Variants in DHRSX observed in about 807,000 individuals in gnomAD.
The protein encoded by DHRSX is polyprenol dehydrogenase.
A neutral mutation model predicts 34.0 loss-of-function variants in DHRSX; 31 were observed. The observed-to-expected ratio is 0.91, with a 90% CI of 0.69 to 1.23. The LOEUF (loss-of-function observed/expected upper bound fraction) is 1.23. DHRSX is among the 50% of genes most tolerant of loss of function. DHRSX has a pLI of 0.00. For synonymous variants in DHRSX, 201 were observed against 183.8 expected, an observed-to-expected ratio of 1.09 and a Z score of -0.76; for missense variants, 414 against 428.1, an observed-to-expected ratio of 0.97 and a Z score of 0.29.
chrX:2,427,961 C>A (rs1039646271), intron 1 of DHRSX, among the ~76,000 whole-genome samples: 2 of 151,994 alleles, frequency 1.3e-5, no homozygotes, highest in South Asian at 4.1e-4. Context: ...TGCAGCAACA[C>A]GAAGGGAACT....
chrX:2,264,801 C>A (rs191163835), intron 5 of DHRSX, among the ~76,000 whole-genome samples: 1,898 of 117,462 alleles, frequency 0.016, 44 homozygotes, highest in African/African-American at 0.072. Flanking sequence ...GAGCACCGTG[C>A]CCAGAGCACA....
intron 3 of DHRSX, among the ~76,000 whole-genome samples, chrX:2,399,379 A>G (rs969725776): frequency 6.6e-6 from 1 of 150,822 alleles, no homozygotes; most frequent in African/African-American, 2.5e-5. Context: ...TGAAAAGGAA[A>G]ACAGTCAATA....
At chrX:2,487,947 G>A (rs1228890455) in intron 1 of DHRSX, 3 of 151,906 alleles carry the variant, frequency 2.0e-5, no homozygotes, top group Admixed American at 6.6e-5. Flanking sequence ...CATGATGATC[G>A]GGAAAGGCTC....
At chrX:2,494,733 G>A (rs758041396) in intron 1 of DHRSX, among the ~76,000 whole-genome samples, 5 of 151,828 alleles carry the variant, frequency 3.3e-5, no homozygotes, top group South Asian at 2.1e-4. Context: ...CTGAAAAAAG[G>A]TTCTGGTACC....
chrX:2,432,508 A>G (rs2043939958), intron 1 of DHRSX, among the ~76,000 whole-genome samples: 1 of 152,204 alleles, frequency 6.6e-6, no homozygotes, highest in South Asian at 2.1e-4. Flanking sequence ...GAGGTACTAC[A>G]GGCATTAATG....
intron 4 of DHRSX, among the ~76,000 whole-genome samples, chrX:2,276,449 G>A (rs1340470158): frequency 1.3e-5 from 2 of 152,094 alleles, no homozygotes; most frequent in Non-Finnish European, 2.9e-5. Flanking sequence ...TAAAACTATC[G>A]TCCATCGATC....
At chrX:2,276,805 AAG>A (rs1390816585) in intron 4 of DHRSX, among the ~76,000 whole-genome samples, 4 of 141,588 alleles carry the variant, frequency 2.8e-5, no homozygotes, top group East Asian at 4.3e-4. Flanking sequence ...AATAGGGAGA[AAG>A]AGAGACAAAG....
chrX:2,477,332 C>T (rs920100349), intron 1 of DHRSX, among the ~76,000 whole-genome samples: 1 of 152,204 alleles, frequency 6.6e-6, no homozygotes, highest in African/African-American at 2.4e-5. Context: ...ACAGCATCCT[C>T]ACCAGCCTCA....
intron 1 of DHRSX, among the ~76,000 whole-genome samples, chrX:2,456,521 G>A (rs2044298977): frequency 6.6e-6 from 1 of 151,042 alleles, no homozygotes; most frequent in African/African-American, 2.4e-5. Flanking sequence ...GGCTGTGGCA[G>A]GAGAATGGCT....
At chrX:2,236,999 A>G (rs1452362828) in intron 6 of DHRSX, among the ~76,000 whole-genome samples, 1 of 151,970 alleles carries the variant, frequency 6.6e-6, no homozygotes, top group Non-Finnish European at 1.5e-5. Context: ...GATCAGCCTG[A>G]GTAACATATC....
chrX:2,482,100 T>C (rs1277763003), intron 1 of DHRSX, among the ~76,000 whole-genome samples: 3 of 147,474 alleles, frequency 2.0e-5, no homozygotes, highest in Admixed American at 2.0e-4. Context: ...CAAGTAGCTG[T>C]GACCACACAC....
intron 3 of DHRSX, among the ~76,000 whole-genome samples, chrX:2,372,383 G>C (rs1257974517): frequency 2.6e-5 from 4 of 152,130 alleles, no homozygotes; most frequent in African/African-American, 9.7e-5. Context: ...GATTGACAGC[G>C]TGAGTGTGTC....
intron 3 of DHRSX, among the ~76,000 whole-genome samples, chrX:2,397,930 GCACACACA>G (rs111697078): frequency 7.2e-6 from 1 of 138,430 alleles, no homozygotes; most frequent in African/African-American, 2.9e-5. Context: ...CTCAGAGCGC[GCACACACA>G]CACACACACA....
chrX:2,326,130 G>A (rs187301502), intron 3 of DHRSX, among the ~76,000 whole-genome samples: 1 of 152,304 alleles, frequency 6.6e-6, no homozygotes, highest in African/African-American at 2.4e-5. Flanking sequence ...GTGGAATTGT[G>A]CTTGTCTAGG....
chrX:2,360,602 T>C (rs748945478), intron 3 of DHRSX, among the ~76,000 whole-genome samples: 22 of 151,672 alleles, frequency 1.5e-4, no homozygotes, highest in African/African-American at 5.3e-4. Flanking sequence ...AACAAAAAAA[T>C]ACACATCACC....
At chrX:2,288,373 T>C (rs1267808456) in intron 4 of DHRSX, among the ~76,000 whole-genome samples, 2 of 152,052 alleles carry the variant, frequency 1.3e-5, no homozygotes, top group Non-Finnish European at 2.9e-5. Flanking sequence ...GTAGCTGGGA[T>C]TACAGGCATG....
At chrX:2,449,236 C>T (rs1327912653) in intron 1 of DHRSX, among the ~76,000 whole-genome samples, 1 of 151,644 alleles carries the variant, frequency 6.6e-6, no homozygotes, top group African/African-American at 2.4e-5. Flanking sequence ...CCAGAAGAGA[C>T]GACCTTCAAA....
chrX:2,500,650 C>T (rs1199231708), intron 1 of DHRSX, 167 bp downstream of exon 1: 8 of 109,240 alleles, frequency 7.3e-5, no homozygotes, highest in African/African-American at 3.5e-4. Context: ...CCAGCGCGCA[C>T]GCCGCCCCCC....
intron 5 of DHRSX, among the ~76,000 whole-genome samples, chrX:2,248,638 G>T (rs867648834): frequency 9.0e-6 from 1 of 111,362 alleles, no homozygotes; most frequent in Non-Finnish European, 2.1e-5. Context: ...AAAAAGAAAA[G>T]AAAAGAAAAA....
Sources: allele counts gnomAD v4.1 joint callset (sites outside exome capture counted in the v4.1 genomes callset), GRCh38; gene constraint gnomAD v4.1.1; transcripts MANE v1.5; gene names NCBI Gene and HGNC (gene_info 2026-07-23, HGNC 2026-07-21).